Variants in HERC4 observed in about 807,000 individuals in gnomAD.
HERC4 encodes the protein probable E3 ubiquitin-protein ligase HERC4.
A neutral mutation model predicts 124.3 loss-of-function variants in HERC4; 28 were observed. The observed-to-expected ratio is 0.23, with a 90% CI of 0.17 to 0.31. The LOEUF (loss-of-function observed/expected upper bound fraction) is 0.31. HERC4 is among the 10% of genes least tolerant of loss of function. HERC4 has a pLI of 1.00. For missense variants in HERC4, 713 were observed against 1,229.3 expected, an observed-to-expected ratio of 0.58 and a Z score of 6.28; for synonymous variants, 407 against 421.5, an observed-to-expected ratio of 0.97 and a Z score of 0.42.
intron 14 of HERC4, among the ~76,000 whole-genome samples, chr10:67,989,206 G>A (rs1206174212): frequency 6.6e-6 from 1 of 151,852 alleles, no homozygotes; most frequent in Non-Finnish European, 1.5e-5. Context: ...AAATTGTATT[G>A]CTCTAATACT....
At chr10:68,034,214 C>A in intron 5 of HERC4, 28 bp from the exon 6 acceptor site, 1 of 1,494,788 alleles carries the variant, frequency 6.7e-7, no homozygotes, top group Non-Finnish European at 9.2e-7. Context: ...AAAAATTAAC[C>A]ATTTTTCTCA....
chr10:68,004,762 C>G (rs1036692351), intron 9 of HERC4, among the ~76,000 whole-genome samples: 5 of 152,118 alleles, frequency 3.3e-5, no homozygotes, highest in African/African-American at 4.8e-5. Flanking sequence ...GAAGAAGTGT[C>G]GAGCAAAGTG....
chr10:68,071,522 C>G (rs1339157268), intron 3 of HERC4, among the ~76,000 whole-genome samples: 1 of 152,142 alleles, frequency 6.6e-6, no homozygotes, highest in Non-Finnish European at 1.5e-5. Flanking sequence ...CAGTAGCCTC[C>G]GTACCATGAA....
At chr10:67,998,392 A>G (rs1298276896) in intron 9 of HERC4, among the ~76,000 whole-genome samples, 3 of 151,696 alleles carry the variant, frequency 2.0e-5, no homozygotes, top group South Asian at 2.1e-4. Context: ...TACTAAAAAT[A>G]CAAAAATTAG....
intron 4 of HERC4, among the ~76,000 whole-genome samples, chr10:68,043,677 G>A (rs1222382972): frequency 3.9e-5 from 6 of 152,040 alleles, no homozygotes; most frequent in African/African-American, 1.4e-4. Context: ...TTAGCCAGCT[G>A]TGGTGGTGGG....
intron 17 of HERC4, chr10:67,955,436 G>C (rs1386468941): frequency 9.7e-6 from 2 of 207,040 alleles, no homozygotes; most frequent in East Asian, 1.4e-4. Context: ...ATTCACTGGA[G>C]GGGAGGGTAA....
chr10:67,945,462 C>A (rs1291718819), intron 19 of HERC4, among the ~76,000 whole-genome samples: 2 of 152,126 alleles, frequency 1.3e-5, no homozygotes, highest in South Asian at 2.1e-4. Flanking sequence ...AAATTGAGTT[C>A]TTCAGTCTGA....
intron 7 of HERC4, among the ~76,000 whole-genome samples, chr10:68,029,048 C>A (rs11597568): frequency 0.063 from 9,627 of 152,096 alleles, 333 homozygotes; most frequent in East Asian, 0.11. Context: ...CACAGTGGCG[C>A]CCGTAGCTCC....
chr10:68,010,392 G>A (rs2037872692), intron 9 of HERC4: 1 of 997,920 alleles, frequency 1.0e-6, no homozygotes. Flanking sequence ...AGGAGACCCA[G>A]CAGCCTCAAA....
Position 67,922,584 on chromosome 10 carries a change from C to A in HERC4, c.*347G>T. On this transcript the variant is annotated 3_prime_UTR_variant, in exon 25 of 25. Coordinates refer to ENST00000373700, the MANE Select transcript of HERC4 (RefSeq NM_015601.4). ...GCAGGCCAAAGTTAAAGGTTTTTCACTCAATGATTGAAGAAAAATTAAGCA... is the reference window on the plus strand; with the variant it reads ...GCAGGCCAAAGTTAAAGGTTTTTCAATCAATGATTGAAGAAAAATTAAGCA... The A allele has an allele frequency of 6.3e-6, 1 of 158,654 alleles. No homozygotes were observed. The highest frequency in any genetic ancestry group is 1.4e-5 in the Non-Finnish European group (1 of 72,366). The allele number at this position is 158,654 out of a possible 1,614,324, so 9.8% of individuals were successfully genotyped here.
chr10:67,960,216 C>T (rs2034417174), intron 16 of HERC4, among the ~76,000 whole-genome samples: 1 of 152,194 alleles, frequency 6.6e-6, no homozygotes, highest in Non-Finnish European at 1.5e-5. Context: ...TAGAAATACT[C>T]TGTATTGTTA....
intron 4 of HERC4, chr10:68,039,437 T>C (rs771099324): frequency 1.0e-5 from 16 of 1,550,006 alleles, no homozygotes; most frequent in South Asian, 9.5e-5. Flanking sequence ...CATAAGAGAG[T>C]CCGGAGCAAA....
chr10:67,999,283 C>G (rs573633663), intron 9 of HERC4, among the ~76,000 whole-genome samples: 26 of 152,288 alleles, frequency 1.7e-4, no homozygotes, highest in African/African-American at 5.8e-4. Flanking sequence ...TATTCTTACT[C>G]TGAATCTTCA....
chr10:68,074,619 G>A (rs2041722176), intron 1 of HERC4: 1 of 152,132 alleles, frequency 6.6e-6, no homozygotes, highest in African/African-American at 2.4e-5. Context: ...CAGCTCATGG[G>A]GACTGGGAAA....
At chr10:67,972,809 C>T (rs2132525515) in intron 15 of HERC4, among the ~76,000 whole-genome samples, 1 of 152,174 alleles carries the variant, frequency 6.6e-6, no homozygotes, top group Non-Finnish European at 1.5e-5. Flanking sequence ...CAAAATTTGA[C>T]TGGACTCTAG....
intron 3 of HERC4, among the ~76,000 whole-genome samples, chr10:68,054,374 G>A (rs1233189335): frequency 3.5e-5 from 5 of 142,312 alleles, no homozygotes; most frequent in Non-Finnish European, 6.0e-5. Flanking sequence ...TTTTCAGACC[G>A]AGTCTCACTA....
At chr10:68,002,887 A>T (rs1191910541) in intron 9 of HERC4, among the ~76,000 whole-genome samples, 1 of 152,050 alleles carries the variant, frequency 6.6e-6, no homozygotes, top group African/African-American at 2.4e-5. Flanking sequence ...AGCCTGAGCC[A>T]CCGTGCCTAG....
At chr10:67,929,997 G>T (rs1386564472) in intron 23 of HERC4, among the ~76,000 whole-genome samples, 1 of 152,022 alleles carries the variant, frequency 6.6e-6, no homozygotes, top group African/African-American at 2.4e-5. Flanking sequence ...GTAGAGATGG[G>T]GTTTCTCCAT....
At chr10:67,954,488 G>T in intron 19 of HERC4, 107 bp downstream of exon 19, 2 of 855,592 alleles carry the variant, frequency 2.3e-6, no homozygotes, top group Non-Finnish European at 3.4e-6. Context: ...GATCTTATAT[G>T]TTAGGGATCC....
Sources: allele counts gnomAD v4.1 joint callset (sites outside exome capture counted in the v4.1 genomes callset), GRCh38; gene constraint gnomAD v4.1.1; transcripts MANE v1.5; gene names NCBI Gene and HGNC (gene_info 2026-07-23, HGNC 2026-07-21).